FAM83E: variants seen among roughly 807,000 people sequenced by gnomAD.
FAM83E encodes the protein scaffolding CK1 anchoring protein E, also known as protein FAM83E.
Under a neutral mutation model 34.3 loss-of-function variants are expected in FAM83E, and 29 were observed. That is an observed-to-expected ratio of 0.85 (90% CI 0.63 to 1.15). The LOEUF is 1.15. Ranked by LOEUF, FAM83E falls within the 50% of genes most tolerant of loss-of-function variation. The pLI, the probability that FAM83E is intolerant of heterozygous loss-of-function variation, is 0.00. For missense variants in FAM83E, 697 were observed against 685.0 expected (o/e 1.02, Z -0.20); for synonymous variants, 312 against 311.6 (o/e 1.00, Z -0.01).
intron 5 of FAM83E, chr19:48,607,277 C>A (rs368994852): frequency 1.2e-6 from 2 of 1,602,054 alleles, no homozygotes; most frequent in East Asian, 2.3e-5. Context: ...AACAGAGCCC[C>A]GAGCAGCCAG....
intron 3 of FAM83E, among the ~76,000 whole-genome samples, chr19:48,612,322 TG>T (rs1237506849): frequency 6.7e-6 from 1 of 150,290 alleles, no homozygotes; most frequent in East Asian, 2.0e-4. Context: ...TGACTGAGAC[TG>T]GGGGTGTCAT....
intron 5 of FAM83E, chr19:48,607,289 C>T: frequency 6.3e-7 from 1 of 1,599,002 alleles, no homozygotes; most frequent in Non-Finnish European, 8.5e-7. Context: ...AGCAGCCAGA[C>T]AGTGGGGGCC....
intron 6 of FAM83E, among the ~76,000 whole-genome samples, chr19:48,602,718 T>A (rs1214921368): frequency 0.23 from 3,950 of 17,380 alleles, 1,002 homozygotes; most frequent in Non-Finnish European, 0.31. Flanking sequence ...TATATATATA[T>A]ATATATATAT....
rs752836249 is a variant in FAM83E at position 48,603,840 on chromosome 19, A to G, written c.830T>C (p.Phe277Ser). ...GTACAGCGTCCGGAACTCAAGGCTG[A>G]AGGCGTCAACAATTTCACCAGTCAG... ...TLLTGEIVDA[F>S]SLEFRTLYAA... The change falls in exon 6 of 7, where the codon TTC (phenylalanine) becomes TCC (serine). Residue 277 changes from phenylalanine (F) to serine (S), a missense_variant. Phe to Ser is a radical substitution (Grantham distance 155). Coordinates refer to ENST00000263266, the MANE Select transcript of FAM83E (RefSeq NM_017708.4). 6.2e-7 allele frequency: 1 copy of G among 1,608,904 alleles called. No homozygotes were observed. Among genetic ancestry groups the G allele is most frequent in the Non-Finnish European group, 8.5e-7 (1 of 1,177,776 alleles).
Position 48,613,635 on chromosome 19 carries a change from G to C in FAM83E, c.-263C>G. On this transcript the variant is annotated 5_prime_UTR_variant, in exon 3 of 7. Coordinates refer to ENST00000263266, the MANE Select transcript of FAM83E (RefSeq NM_017708.4). ...ATCCGCCACCTGCCTGCACCCAGTG[G>C]CACCATGCCTGGCTGGCCTTCCGTG... is the stretch of plus-strand genomic sequence containing the variant. 2 of 1,331,234 alleles carry C rather than the reference G, an allele frequency of 1.5e-6. No homozygotes were observed. Among genetic ancestry groups the C allele is most frequent in the Non-Finnish European group, 1.9e-6 (2 of 1,042,148 alleles). 82.5% of individuals were successfully genotyped at this position (1,331,234 alleles called of 1,614,324 possible).
Position 48,603,575 on chromosome 19 carries a change from G to A in FAM83E, c.1095C>T (p.Gly365=), listed in dbSNP as rs764331051. 1.0e-5 allele frequency: 16 copies of A among 1,553,108 alleles called. No individual in the cohort carries two copies. The highest frequency in any genetic ancestry group is 1.2e-5 in the Non-Finnish European group (14 of 1,159,026). ...RSVQRARTPS[G]PPARPSRSMW... is the part of the protein sequence containing the mutation. ...TGGAGCGGCTGGGCCGGGCCGGGGG[G>A]CCGCTGGGGGTCCGGGCGCGCTGCA... Residue 365 remains glycine (G), a synonymous_variant, in exon 6 of 7, where the codon GGC becomes GGT. Coordinates refer to ENST00000263266, the MANE Select transcript of FAM83E (RefSeq NM_017708.4).
At position 48,600,930 on chromosome 19, in the gene FAM83E, G is replaced by T; in HGVS notation, c.*179C>A. ...AGCCTCCCAAAGTGCAGGGATTACAGGCATGAGCCACCACTCCCGGCCCAA... is the reference window on the plus strand; with the variant it reads ...AGCCTCCCAAAGTGCAGGGATTACATGCATGAGCCACCACTCCCGGCCCAA... On this transcript the variant is annotated 3_prime_UTR_variant, in exon 7 of 7. Coordinates refer to ENST00000263266, the MANE Select transcript of FAM83E (RefSeq NM_017708.4). 1 of 1,363,988 alleles carries T rather than the reference G, an allele frequency of 7.3e-7. No homozygotes were observed. Among genetic ancestry groups the T allele is most frequent in the Non-Finnish European group, 9.6e-7 (1 of 1,045,260 alleles). 84.5% of individuals were successfully genotyped at this position (1,363,988 alleles called of 1,614,324 possible).
At position 48,600,340 on chromosome 19, in the gene FAM83E, C is replaced by G. The variant is rs1262567659; in HGVS notation, c.*769G>C. On this transcript the variant is annotated 3_prime_UTR_variant, in exon 7 of 7. Coordinates refer to ENST00000263266, the MANE Select transcript of FAM83E (RefSeq NM_017708.4). ...GTGCAGGCAATGGGCTTGCCCAAGT[C>G]CTTTTTTTTGTTTGAGATGAAATCT... is the stretch of plus-strand genomic sequence containing the variant. Among the ~76,000 whole-genome samples the G allele has an allele frequency of 6.6e-6, 1 of 152,228 alleles. No homozygotes were observed. The highest frequency in any genetic ancestry group is 1.5e-5 in the Non-Finnish European group (1 of 68,040).
chr19:48,612,003 A>G (rs1439280075), intron 3 of FAM83E, among the ~76,000 whole-genome samples: 2 of 152,178 alleles, frequency 1.3e-5, no homozygotes, highest in Non-Finnish European at 2.9e-5. Flanking sequence ...TGGATCTTGC[A>G]GGCAGCATAA....
Position 48,603,701 on chromosome 19 carries a change from C to G in FAM83E, c.969G>C (p.Ala323=). 1 of 1,371,228 alleles carries G rather than the reference C, an allele frequency of 7.3e-7. No individual in the cohort carries two copies. Among genetic ancestry groups the G allele is most frequent in the Non-Finnish European group, 9.4e-7 (1 of 1,061,082 alleles). 84.9% of individuals were successfully genotyped at this position (1,371,228 alleles called of 1,614,324 possible). A position where few individuals can be genotyped will look rare whatever the true frequency, so the allele number is the denominator to read the frequency against. The change falls in exon 6 of 7, where the codon GCG becomes GCC. Residue 323 remains alanine, a synonymous_variant. Transcript: ENST00000263266. ...GCGGGCCGTCAGGCGGCGGAGGCGA[C>G]GCGGGGGCCACGGAGCGGCGGCGGG... ...RVSRRRSVAP[A]SPPPPDGPLA... is the part of the protein sequence containing the mutation.
rs1184448486 is a variant in FAM83E, at chr19:48,609,947, C to T, written c.687G>A (p.Arg229=). 1 of 1,613,124 alleles carries T rather than the reference C, an allele frequency of 6.2e-7. No individual in the cohort carries two copies. Among genetic ancestry groups the T allele is most frequent in the Admixed American group, 1.7e-5 (1 of 60,010 alleles). The change falls in exon 5 of 7, where the codon CGG becomes CGA. Residue 229 remains arginine (R), a synonymous_variant. Transcript: ENST00000263266. ...TCTCCCGCACGGTGCCGCTCACCTG[C>T]CGTCGCCAGCGGCTCTGGAAGCTGC... ...RGCSFQSRWR[R]QVSGTVREKF...
At position 48,612,934 on chromosome 19, in the gene FAM83E, G is replaced by C; in HGVS notation, c.439C>G (p.Arg147Gly). ...TTGTGGGCAGCCTGGATCTCCAGCC[G>C]CACCAGCTCCTTGAGGGGCGGCTGA... ...EGQPPLKELV[R>G]LEIQAAHKLV... The change falls in exon 3 of 7, where the codon CGG becomes GGG. Residue 147 changes from arginine to glycine, a missense_variant. By Grantham distance (125) the Arg-to-Gly change is moderately radical. Transcript: ENST00000263266. The C allele has an allele frequency of 1.3e-6, 2 of 1,570,370 alleles. No individual in the cohort carries two copies. The highest frequency in any genetic ancestry group is 1.7e-6 in the Non-Finnish European group (2 of 1,156,546).
In FAM83E at chr19:48,601,599, T is replaced by A. The variant is rs561094442; in HGVS notation, c.1177-230A>T. ...GGCCAACATGGTGAAACCCTATCTCTACTAAAAATACAAAAATTAGCCTGA... is the reference window on the plus strand; with the variant it reads ...GGCCAACATGGTGAAACCCTATCTCAACTAAAAATACAAAAATTAGCCTGA... On this transcript the variant is annotated intron_variant, in intron 6 of 6. Transcript: ENST00000263266. Among the ~76,000 whole-genome samples the A allele has an allele frequency of 5.8e-4, 88 of 151,704 alleles. No individual in the cohort carries two copies. Among genetic ancestry groups the A allele is most frequent in the African/African-American group, 1.9e-3 (80 of 41,360 alleles).
intron 3 of FAM83E, 21 bp from the exon 4 acceptor site, chr19:48,610,868 G>T: frequency 6.3e-7 from 1 of 1,578,346 alleles, no homozygotes; most frequent in South Asian, 1.2e-5. Context: ...GGAGAGGGGC[G>T]GTGGGCTTGT....
intron 4 of FAM83E, among the ~76,000 whole-genome samples, chr19:48,610,334 G>A (rs950122342): frequency 1.4e-5 from 2 of 146,266 alleles, no homozygotes; most frequent in Non-Finnish European, 1.5e-5. Flanking sequence ...GGGAGGTGGA[G>A]GTTGCAGTGA....
At position 48,601,276 on chromosome 19, in the gene FAM83E, G is replaced by T; in HGVS notation, c.1270C>A (p.Arg424=). ...GGGPWGEVDS[R]PPWGGALPLP... Reference sequence around the variant, plus strand: ...GGCAGGGCACCGCCCCACGGAGGTCGGGAGTCCACTTCCCCCCAGGGGCCT... The same window carrying T: ...GGCAGGGCACCGCCCCACGGAGGTCTGGAGTCCACTTCCCCCCAGGGGCCT... The change falls in exon 7 of 7, where the codon CGA becomes AGA. Residue 424 remains arginine, a synonymous_variant. Coordinates refer to ENST00000263266, the MANE Select transcript of FAM83E (RefSeq NM_017708.4). The T allele has an allele frequency of 6.3e-7, 1 of 1,588,516 alleles. No homozygotes were observed. Among genetic ancestry groups the T allele is most frequent in the East Asian group, 2.3e-5 (1 of 43,392 alleles).
chr19:48,609,360 C>T (rs147924647), intron 5 of FAM83E, among the ~76,000 whole-genome samples: 1,765 of 149,162 alleles, frequency 0.012, 22 homozygotes, highest in Middle Eastern at 0.064. Context: ...TCACTGCAAC[C>T]TCTCTCCTGG....
intron 1 of FAM83E, 48 bp downstream of exon 1, chr19:48,614,889 C>A: frequency 1.3e-6 from 1 of 757,784 alleles, no homozygotes. Flanking sequence ...AGGGCCCCCA[C>A]AGGCCCCTGG....
In FAM83E at chr19:48,613,223, C is replaced by A; in HGVS notation, c.150G>T (p.Val50=). The stretch of plus-strand genomic sequence containing the variant: ...GGAAGGGCCACAGCTCCTCGCGCTG[C>A]ACGCAGGTCTGGAACGCCTCCGCGC... ...SKGAEAFQTC[V]QREELWPFLS... The change falls in exon 3 of 7, where the codon GTG becomes GTT. Residue 50 remains valine (V), a synonymous_variant. Coordinates refer to ENST00000263266, the MANE Select transcript of FAM83E (RefSeq NM_017708.4). 6.2e-7 allele frequency: 1 copy of A among 1,610,962 alleles called. No individual in the cohort carries two copies. Among genetic ancestry groups the A allele is most frequent in the Non-Finnish European group, 8.5e-7 (1 of 1,179,928 alleles).
Sources: gnomAD v4.1 joint callset for allele counts (sites outside exome capture counted in the v4.1 genomes callset) on GRCh38, gnomAD v4.1.1 for gene constraint, MANE v1.5 for transcripts, NCBI Gene and HGNC (gene_info 2026-07-23, HGNC 2026-07-21) for gene names.